The following ABCC4 variants were observed in gnomAD, a reference collection of about 807,000 sequenced individuals.
The protein encoded by ABCC4 is ATP-binding cassette sub-family C member 4.
A neutral mutation model predicts 168.5 loss-of-function variants in ABCC4; 102 were observed. That is an observed-to-expected ratio of 0.61 (90% CI 0.52 to 0.71). The LOEUF (loss-of-function observed/expected upper bound fraction) is 0.71. Among genes scored for constraint, ABCC4 ranks in the 30% least tolerant of loss-of-function variants. The pLI is 0.00. For missense variants in ABCC4, 1,402 were observed against 1,605.8 expected (o/e 0.87, Z 2.17); for synonymous variants, 617 against 590.7 (o/e 1.04, Z -0.65).
chr13:95,136,761 G>A (rs1191140315), intron 19 of ABCC4, among the ~76,000 whole-genome samples: 1 of 152,222 alleles, frequency 6.6e-6, no homozygotes, highest in Non-Finnish European at 1.5e-5. Flanking sequence ...GGGAAGGACG[G>A]GGTGGAGAAT....
rs34133084 is a variant in ABCC4, at chr13:95,247,918, G to GCA, written c.75-167_75-166dup. Among the ~76,000 whole-genome samples, 90 of 142,654 alleles carry GCA rather than the reference G, an allele frequency of 6.3e-4. 1 individual carries two copies. Among genetic ancestry groups the GCA allele is most frequent in the East Asian group, 2.8e-3 (14 of 4,942 alleles). The allele number at this position is 142,654 out of a possible 152,430, so 93.6% of individuals were successfully genotyped here. On this transcript the variant is annotated intron_variant, in intron 1 of 30. Coordinates refer to ENST00000645237, the MANE Select transcript of ABCC4 (RefSeq NM_005845.5). ...GCTAGAGAGAGAAAAGTTAACATGT[G>GCA]CACACACACACACACACACACAGTC...
intron 19 of ABCC4, among the ~76,000 whole-genome samples, chr13:95,154,580 T>C (rs2036797431): frequency 6.6e-6 from 1 of 152,230 alleles, no homozygotes; most frequent in Non-Finnish European, 1.5e-5. Flanking sequence ...TGACGAATGA[T>C]GACACTGAGG....
At chr13:95,206,838 C>T in intron 7 of ABCC4, 57 bp from the exon 8 acceptor site, 1 of 1,582,940 alleles carries the variant, frequency 6.3e-7, no homozygotes, top group East Asian at 2.2e-5. Flanking sequence ...TAAAGTGGCT[C>T]ACGCCTGCAA....
Position 95,075,749 on chromosome 13 carries a change from C to T in ABCC4, c.2687-198G>A, listed in dbSNP as rs561824124. 40 of 580,352 alleles carry T rather than the reference C, an allele frequency of 6.9e-5. No individual in the cohort carries two copies. In the South Asian group the frequency reaches 9.8e-4, roughly 14 times the overall value. 36.0% of individuals were successfully genotyped at this position (580,352 alleles called of 1,614,324 possible). A position where few individuals can be genotyped will look rare whatever the true frequency, so the allele number is the denominator to read the frequency against. Reference sequence around the variant, plus strand: ...GAATCTCAAGCTCCTGCTCAAACCACACCTCACATAAGGGGCCTGGAAATA... The same window carrying T: ...GAATCTCAAGCTCCTGCTCAAACCATACCTCACATAAGGGGCCTGGAAATA... On this transcript the variant is annotated intron_variant, in intron 21 of 30. Coordinates refer to ENST00000645237, the MANE Select transcript of ABCC4 (RefSeq NM_005845.5).
At chr13:95,288,592 G>A (rs998723576) in intron 1 of ABCC4, among the ~76,000 whole-genome samples, 1 of 152,118 alleles carries the variant, frequency 6.6e-6, no homozygotes, top group Non-Finnish European at 1.5e-5. Context: ...GATCACCTGA[G>A]GTCAGGAGTT....
chr13:95,133,876 T>C (rs1051089858), intron 19 of ABCC4, among the ~76,000 whole-genome samples: 1 of 152,190 alleles, frequency 6.6e-6, no homozygotes, highest in Non-Finnish European at 1.5e-5. Flanking sequence ...GAAAACGCCA[T>C]AGCAATTGAC....
chr13:95,294,508 C>T (rs1013183485), intron 1 of ABCC4, among the ~76,000 whole-genome samples: 3 of 152,210 alleles, frequency 2.0e-5, no homozygotes, highest in African/African-American at 7.2e-5. Context: ...AGTCCTCCTC[C>T]TCTCCAGGAG....
rs542502922 is a variant in ABCC4, at chr13:95,054,233, T to C, written c.3367-1049A>G. The stretch of plus-strand genomic sequence containing the variant: ...AAGCAGGGTTACCTGAAAACCACTG[T>C]GAAGGAGGTCATAATAAAATTACAT... On this transcript the variant is annotated intron_variant, in intron 26 of 30. Transcript: ENST00000645237. Among the ~76,000 whole-genome samples, 6 of 152,062 alleles carry C rather than the reference T, an allele frequency of 3.9e-5. No homozygotes were observed. The South Asian group carries it at 8.3e-4, about 21-fold the overall frequency.
At chr13:95,093,472 G>A (rs2034499411) in intron 20 of ABCC4, among the ~76,000 whole-genome samples, 1 of 152,058 alleles carries the variant, frequency 6.6e-6, no homozygotes, top group Admixed American at 6.6e-5. Context: ...TGCAGAAAAA[G>A]CATTCGACAA....
intron 1 of ABCC4, among the ~76,000 whole-genome samples, chr13:95,279,921 C>T (rs2041072270): frequency 6.6e-6 from 1 of 152,132 alleles, no homozygotes; most frequent in Non-Finnish European, 1.5e-5. Context: ...CCTGGAAGGA[C>T]ACTTGAGCCC....
At chr13:95,131,024 T>C (rs1270546507) in intron 19 of ABCC4, among the ~76,000 whole-genome samples, 1 of 152,088 alleles carries the variant, frequency 6.6e-6, no homozygotes, top group Non-Finnish European at 1.5e-5. Flanking sequence ...TGTGCAGTGG[T>C]GTTGGGCAGA....
chr13:95,066,919 T>A (rs1255370183), intron 25 of ABCC4, among the ~76,000 whole-genome samples: 1 of 152,080 alleles, frequency 6.6e-6, no homozygotes, highest in Admixed American at 6.5e-5. Context: ...CATGCGTGAG[T>A]ATAAGAAGGT....
intron 19 of ABCC4, among the ~76,000 whole-genome samples, chr13:95,157,017 G>T (rs901549073): frequency 6.6e-6 from 1 of 151,842 alleles, no homozygotes; most frequent in Non-Finnish European, 1.5e-5. Flanking sequence ...ACTTGAACCT[G>T]GGAGCCGGAG....
intron 1 of ABCC4, among the ~76,000 whole-genome samples, chr13:95,300,898 AAG>A (rs1373033218): frequency 6.6e-6 from 1 of 152,162 alleles, no homozygotes; most frequent in African/African-American, 2.4e-5. Flanking sequence ...CCCGCTGGGC[AAG>A]AGACTCCCCC....
chr13:95,165,359 AT>A (rs2037237211), intron 15 of ABCC4, among the ~76,000 whole-genome samples: 1 of 152,182 alleles, frequency 6.6e-6, no homozygotes, highest in Admixed American at 6.5e-5. Context: ...TTGACTCCTG[AT>A]AATTTGGCAT....
At chr13:95,025,333 C>CTT (rs2031435326) in intron 30 of ABCC4, among the ~76,000 whole-genome samples, 1 of 75,648 alleles carries the variant, frequency 1.3e-5, no homozygotes, top group Non-Finnish European at 2.5e-5. Flanking sequence ...CACACCCACA[C>CTT]ACCCATACAC....
At chr13:95,166,535 T>G (rs904182149) in intron 14 of ABCC4, among the ~76,000 whole-genome samples, 168 bp from the exon 15 acceptor site, 5 of 152,234 alleles carry the variant, frequency 3.3e-5, no homozygotes, top group African/African-American at 1.2e-4. Flanking sequence ...CAACTGAGTG[T>G]TCTGTTCTCA....
chr13:95,040,648 T>A (rs977826756), intron 29 of ABCC4, among the ~76,000 whole-genome samples: 1 of 152,212 alleles, frequency 6.6e-6, no homozygotes, highest in African/African-American at 2.4e-5. Context: ...ATGTTCTAAT[T>A]GTGGCCGTTG....
chr13:95,270,153 T>A (rs8001475), intron 1 of ABCC4, among the ~76,000 whole-genome samples: 1 of 151,880 alleles, frequency 6.6e-6, no homozygotes, highest in African/African-American at 2.4e-5. Flanking sequence ...GTTTTCTCCA[T>A]GAAAAGAGGG....
Sources: gnomAD v4.1 joint callset for allele counts (sites outside exome capture counted in the v4.1 genomes callset) on GRCh38, gnomAD v4.1.1 for gene constraint, MANE v1.5 for transcripts, NCBI Gene and HGNC (gene_info 2026-07-23, HGNC 2026-07-21) for gene names.